The following ITSN1 variants were observed in gnomAD, a reference collection of about 807,000 sequenced individuals.
ITSN1 encodes intersectin 1.
Under a neutral mutation model 239.8 loss-of-function variants are expected in ITSN1, and 58 were observed. The observed-to-expected ratio is 0.24, with a 90% CI of 0.20 to 0.30. The LOEUF is 0.30. Ranked by LOEUF, ITSN1 falls within the 10% of genes least tolerant of loss-of-function variation. The pLI, the probability that ITSN1 is intolerant of heterozygous loss-of-function variation, is 1.00. For missense variants in ITSN1, 1,558 were observed against 2,103.3 expected, an observed-to-expected ratio of 0.74 and a Z score of 5.07; for synonymous variants, 780 against 770.8, an observed-to-expected ratio of 1.01 and a Z score of -0.20.
At chr21:33,806,509 G>A (rs1296970823) in intron 20 of ITSN1, among the ~76,000 whole-genome samples, 1 of 152,228 alleles carries the variant, frequency 6.6e-6, no homozygotes, top group Non-Finnish European at 1.5e-5. Flanking sequence ...TGAGAAAAGA[G>A]GTGTAATATC....
chr21:33,838,414 T>C (rs887242518), intron 29 of ITSN1: 2 of 983,502 alleles, frequency 2.0e-6, no homozygotes, highest in African/African-American at 1.7e-5. Flanking sequence ...TATATAAATA[T>C]ATAAACCTGC....
intron 24 of ITSN1, among the ~76,000 whole-genome samples, 179 bp from the exon 25 acceptor site, chr21:33,823,308 G>A (rs2073796770): frequency 6.6e-6 from 1 of 152,194 alleles, no homozygotes; most frequent in African/African-American, 2.4e-5. Flanking sequence ...ACTTTTATGT[G>A]CACTGGGGGA....
intron 2 of ITSN1, among the ~76,000 whole-genome samples, chr21:33,719,994 T>C (rs775160832): frequency 3.3e-5 from 5 of 152,238 alleles, no homozygotes; most frequent in African/African-American, 4.8e-5. Flanking sequence ...TCCGTGGGAT[T>C]CTGGTACAGA....
intron 39 of ITSN1, among the ~76,000 whole-genome samples, chr21:33,886,847 G>A (rs918469711): frequency 7.2e-5 from 11 of 152,176 alleles, no homozygotes; most frequent in South Asian, 4.1e-4. Context: ...AACAGGAGCC[G>A]CAGAATGGGC....
At chr21:33,868,304 G>A (rs991709079) in intron 33 of ITSN1, among the ~76,000 whole-genome samples, 2 of 152,130 alleles carry the variant, frequency 1.3e-5, no homozygotes, top group South Asian at 2.1e-4. Flanking sequence ...TGCCAGTCTC[G>A]CGCCATGCAC....
Position 33,891,788 on chromosome 21 carries a change from G to C in ITSN1, c.*3488G>C, listed in dbSNP as rs1986379045. On this transcript the variant is annotated 3_prime_UTR_variant, in exon 40 of 40. Coordinates refer to ENST00000381318, the MANE Select transcript of ITSN1 (RefSeq NM_003024.3). The stretch of plus-strand genomic sequence containing the variant: ...GGTGAAGCTCTTGGAGTATATTTTA[G>C]AGTAGGCCAGTACCTTGTATAAGCA... The C allele has an allele frequency of 6.6e-6, 1 of 152,204 alleles. No individual in the cohort carries two copies. Among genetic ancestry groups the C allele is most frequent in the Non-Finnish European group, 1.5e-5 (1 of 68,038 alleles). 9.4% of individuals were successfully genotyped at this position (152,204 alleles called of 1,614,324 possible).
At chr21:33,756,415 G>A (rs931915482) in intron 8 of ITSN1, among the ~76,000 whole-genome samples, 1 of 151,998 alleles carries the variant, frequency 6.6e-6, no homozygotes, top group African/African-American at 2.4e-5. Flanking sequence ...AATATGAAAG[G>A]AAGGGAAAAA....
intron 29 of ITSN1, among the ~76,000 whole-genome samples, chr21:33,847,714 G>A (rs776270051): frequency 2.6e-4 from 40 of 152,172 alleles, no homozygotes; most frequent in Non-Finnish European, 2.9e-4. Context: ...TGAGCCTCTT[G>A]GACAATGGCT....
At chr21:33,868,189 C>CA (rs1335827922) in intron 33 of ITSN1, among the ~76,000 whole-genome samples, 6 of 152,220 alleles carry the variant, frequency 3.9e-5, no homozygotes, top group Non-Finnish European at 7.3e-5. Flanking sequence ...GGTGCCTTTA[C>CA]AATCCCTGAG....
intron 29 of ITSN1, chr21:33,837,648 A>G (rs962766801): frequency 2.2e-5 from 22 of 985,812 alleles, no homozygotes; most frequent in South Asian, 4.7e-5. Context: ...CTTGTTGAGC[A>G]TGTAATACAT....
intron 32 of ITSN1, among the ~76,000 whole-genome samples, chr21:33,866,027 A>G (rs1434144323): frequency 6.6e-6 from 1 of 152,264 alleles, no homozygotes; most frequent in Non-Finnish European, 1.5e-5. Context: ...AGAATAAAAT[A>G]GCTTCTGTGA....
chr21:33,725,765 G>T (rs900847492), intron 4 of ITSN1, among the ~76,000 whole-genome samples: 8 of 151,996 alleles, frequency 5.3e-5, no homozygotes, highest in African/African-American at 1.9e-4. Context: ...TTGTGATGGC[G>T]TATTTTACTA....
Position 33,658,369 on chromosome 21 carries a change from T to C in ITSN1, c.-33+15656T>C, listed in dbSNP as rs1441407623. Among the ~76,000 whole-genome samples the C allele has an allele frequency of 2.6e-5, 4 of 152,146 alleles. No homozygotes were observed. The East Asian group carries it at 5.8e-4, about 22-fold the overall frequency. ...ATGTTATTCAAGGGTCAACTACTTA[T>C]ACAAACCGAGGTGGTATAGCCTACT... On this transcript the variant is annotated intron_variant, in intron 1 of 39. Coordinates refer to ENST00000381318, the MANE Select transcript of ITSN1 (RefSeq NM_003024.3).
chr21:33,838,438 G>A (rs1038559843), intron 29 of ITSN1: 1 of 983,000 alleles, frequency 1.0e-6, no homozygotes, highest in African/African-American at 1.7e-5. Context: ...TTTAACAACT[G>A]TAATACAACC....
At chr21:33,687,251 A>T (rs2091288134) in intron 1 of ITSN1, among the ~76,000 whole-genome samples, 1 of 150,614 alleles carries the variant, frequency 6.6e-6, no homozygotes, top group Admixed American at 6.6e-5. Flanking sequence ...AAAAAAAATT[A>T]TTTGGGCTTG....
intron 16 of ITSN1, among the ~76,000 whole-genome samples, chr21:33,787,272 G>A (rs2070750607): frequency 1.3e-5 from 2 of 152,172 alleles, no homozygotes; most frequent in African/African-American, 4.8e-5. Flanking sequence ...TCATGTGCAT[G>A]TTTCCATCAT....
intron 20 of ITSN1, among the ~76,000 whole-genome samples, chr21:33,808,892 G>T (rs2072679244): frequency 6.6e-6 from 1 of 152,130 alleles, no homozygotes; most frequent in Admixed American, 6.5e-5. Context: ...ATCACCTTTG[G>T]TCCTAGAACC....
intron 18 of ITSN1, among the ~76,000 whole-genome samples, chr21:33,798,037 T>C (rs926527005): frequency 1.3e-5 from 2 of 152,220 alleles, no homozygotes; most frequent in Non-Finnish European, 2.9e-5. Flanking sequence ...CTGCTTTTAC[T>C]TTTTGAAAAA....
chr21:33,858,699 C>A lies in ITSN1; in HGVS notation c.3797C>A (p.Pro1266His). The part of the protein sequence containing the change: ...LQLVTEIFQK[P>H]LMESELLTEK... ...CTGCATCTGTAGATTTTTCAAAAAC[C>A]CCTGATGGAGTCTGAGCTGCTGACA... Residue 1266 changes from proline to histidine, a missense_variant, in exon 31 of 40, where the codon CCC (proline) becomes CAC (histidine). Coordinates refer to ENST00000381318, the MANE Select transcript of ITSN1 (RefSeq NM_003024.3). The A allele has an allele frequency of 6.2e-7, 1 of 1,612,198 alleles. No individual in the cohort carries two copies. The highest frequency in any genetic ancestry group is 1.1e-5 in the South Asian group (1 of 90,836).
Sources: gnomAD v4.1 joint callset for allele counts (sites outside exome capture counted in the v4.1 genomes callset) on GRCh38, gnomAD v4.1.1 for gene constraint, MANE v1.5 for transcripts, NCBI Gene and HGNC (gene_info 2026-07-23, HGNC 2026-07-21) for gene names.